Variants in ARHGAP26 observed in about 807,000 individuals in gnomAD.
ARHGAP26 encodes the protein Rho GTPase activating protein 26, also known as rho GTPase-activating protein 26.
In ARHGAP26, 38 loss-of-function variants were observed where a neutral mutation model predicts 104.8. The ratio of observed to expected loss-of-function variants is 0.36; its 90% CI spans 0.28 to 0.48. ARHGAP26 has a LOEUF of 0.48. Among genes scored for constraint, ARHGAP26 ranks in the 20% least tolerant of loss-of-function variants. The pLI is 0.99. For synonymous variants in ARHGAP26, 341 were observed against 340.0 expected (o/e 1.00, Z -0.03); for missense variants, 704 against 947.9 (o/e 0.74, Z 3.38).
intron 20 of ARHGAP26, 60 bp downstream of exon 20, chr5:143,147,441 A>G (rs1297184624): frequency 6.4e-7 from 1 of 1,564,384 alleles, no homozygotes; most frequent in African/African-American, 1.4e-5. Flanking sequence ...TCCACCTAGA[A>G]TTTGCTGTCT....
rs1159537071 is a variant in ARHGAP26 at position 142,829,684 on chromosome 5, T to C, written c.155-43716T>C. Among the ~76,000 whole-genome samples, 3 of 152,094 alleles carry C rather than the reference T, an allele frequency of 2.0e-5. No individual in the cohort carries two copies. In the East Asian group the frequency reaches 5.8e-4, roughly 29 times the overall value. On this transcript the variant is annotated intron_variant, in intron 1 of 22. Coordinates refer to ENST00000645722, the MANE Select transcript of ARHGAP26 (RefSeq NM_001135608.3). ...AAATTATATGTGTAATTAGAGAGAG[T>C]AGAAAAGCTAAAGGAAATGAACTTA...
chr5:143,121,156 TAATTGATC>T lies in ARHGAP26; in HGVS notation c.1698+11_1698+18del. Reference sequence around the variant, plus strand: ...TAGAAAACCACGAAAAGGTAATATGTAATTGATCACTTGCAGTGAAGAATGTACCTGGG... The same window carrying T: ...TAGAAAACCACGAAAAGGTAATATGTACTTGCAGTGAAGAATGTACCTGGG... On this transcript the variant is annotated intron_variant, in intron 18 of 22. Transcript: ENST00000645722. 6.2e-7 allele frequency: 1 copy of T among 1,609,464 alleles called. No homozygotes were observed. Among genetic ancestry groups the T allele is most frequent in the South Asian group, 1.1e-5 (1 of 90,558 alleles).
chr5:142,882,180 T>A (rs1757091750), intron 4 of ARHGAP26, among the ~76,000 whole-genome samples: 1 of 152,208 alleles, frequency 6.6e-6, no homozygotes, highest in South Asian at 2.1e-4. Context: ...CTTCTGCCAT[T>A]TGCATGTAGA....
intron 1 of ARHGAP26, among the ~76,000 whole-genome samples, chr5:142,809,173 A>G (rs934396097): frequency 2.6e-5 from 4 of 152,198 alleles, no homozygotes; most frequent in African/African-American, 7.2e-5. Flanking sequence ...GTGCGTTTTC[A>G]GTGTCTTTTT....
chr5:142,981,068 G>A (rs1384291427), intron 11 of ARHGAP26, among the ~76,000 whole-genome samples: 3 of 152,096 alleles, frequency 2.0e-5, no homozygotes, highest in Non-Finnish European at 4.4e-5. Flanking sequence ...TGTTTTCATT[G>A]CAAATGTATC....
At chr5:142,940,881 C>A (rs1016147045) in intron 11 of ARHGAP26, among the ~76,000 whole-genome samples, 12 of 151,794 alleles carry the variant, frequency 7.9e-5, no homozygotes, top group Admixed American at 5.9e-4. Flanking sequence ...TCGAGACCAT[C>A]CTGGCTAACA....
chr5:142,939,553 G>A (rs977544601), intron 11 of ARHGAP26, among the ~76,000 whole-genome samples: 3 of 152,174 alleles, frequency 2.0e-5, no homozygotes, highest in Non-Finnish European at 2.9e-5. Context: ...CAATTGCATT[G>A]CATATGTTCT....
At chr5:143,005,064 G>A (rs1777745323) in intron 11 of ARHGAP26, among the ~76,000 whole-genome samples, 1 of 152,102 alleles carries the variant, frequency 6.6e-6, no homozygotes, top group Admixed American at 6.6e-5. Context: ...TAAAGCACAA[G>A]TAGGCTTTTC....
intron 1 of ARHGAP26, among the ~76,000 whole-genome samples, chr5:142,813,130 A>T (rs1397416797): frequency 6.6e-6 from 1 of 151,754 alleles, no homozygotes; most frequent in Non-Finnish European, 1.5e-5. Context: ...TTTAGTAGAG[A>T]TGGGGTTTCA....
chr5:143,144,304 C>T (rs1231843147), intron 19 of ARHGAP26, among the ~76,000 whole-genome samples: 2 of 152,172 alleles, frequency 1.3e-5, no homozygotes, highest in Non-Finnish European at 2.9e-5. Flanking sequence ...TTCTAGGCTG[C>T]CTGTTCTTGT....
intron 20 of ARHGAP26, among the ~76,000 whole-genome samples, chr5:143,183,073 C>CAAAAAAAAAAAAAAAAAAAA (rs70991799): frequency 1.1e-5 from 1 of 89,962 alleles, no homozygotes. Context: ...TGAAAAGTGG[C>CAAAAAAAAAAAAAAAAAAAA]AAAAAAAAAA....
intron 22 of ARHGAP26, chr5:143,216,052 C>T (rs1380620150): frequency 1.3e-5 from 5 of 392,250 alleles, no homozygotes; most frequent in African/African-American, 8.4e-5. Flanking sequence ...GAAGTTGCAC[C>T]ATTTTACCAT....
intron 11 of ARHGAP26, among the ~76,000 whole-genome samples, chr5:142,998,973 G>A (rs1226386666): frequency 1.3e-5 from 2 of 152,098 alleles, no homozygotes; most frequent in African/African-American, 2.4e-5. Context: ...GATTTGAGAT[G>A]TTACCATCCT....
intron 22 of ARHGAP26, among the ~76,000 whole-genome samples, chr5:143,221,598 C>G (rs796892701): frequency 1.5e-4 from 23 of 152,248 alleles, no homozygotes; most frequent in African/African-American, 4.8e-4. Context: ...ACTGCAGCCT[C>G]GACCTGCTGA....
chr5:142,782,020 A>G (rs1445019407), intron 1 of ARHGAP26, among the ~76,000 whole-genome samples: 1 of 152,110 alleles, frequency 6.6e-6, no homozygotes, highest in Non-Finnish European at 1.5e-5. Flanking sequence ...TGGCCGATTC[A>G]TGGTGTTTTT....
At chr5:142,919,162 G>A (rs409225) in intron 10 of ARHGAP26, 6 of 398,030 alleles carry the variant, frequency 1.5e-5, no homozygotes, top group African/African-American at 2.1e-5. Context: ...TTAAAATGAC[G>A]TCATTAGGGT....
In ARHGAP26 at chr5:143,166,003, T is replaced by A. The variant is rs1015732368; in HGVS notation, c.1988+18622T>A. 3.8e-6 allele frequency: 5 copies of A among 1,310,362 alleles called. No homozygotes were observed. The East Asian group carries it at 2.2e-4, about 59-fold the overall frequency. The allele number at this position is 1,310,362 out of a possible 1,614,324, so 81.2% of individuals were successfully genotyped here. Reference sequence around the variant, plus strand: ...CAGTAAAAGTTACCTGCCGTAATTATGGTCATCGTTGCTCTTTTAACAGGC... The same window carrying A: ...CAGTAAAAGTTACCTGCCGTAATTAAGGTCATCGTTGCTCTTTTAACAGGC... On this transcript the variant is annotated intron_variant, in intron 20 of 22. Coordinates refer to ENST00000645722, the MANE Select transcript of ARHGAP26 (RefSeq NM_001135608.3).
At chr5:143,125,328 C>T (rs1327541965) in intron 18 of ARHGAP26, among the ~76,000 whole-genome samples, 2 of 152,100 alleles carry the variant, frequency 1.3e-5, no homozygotes, top group Non-Finnish European at 2.9e-5. Context: ...TCACTCACAC[C>T]CACACATCCT....
At chr5:143,009,752 A>G (rs964845605) in intron 11 of ARHGAP26, among the ~76,000 whole-genome samples, 10 of 152,252 alleles carry the variant, frequency 6.6e-5, no homozygotes, top group African/African-American at 2.4e-4. Flanking sequence ...GTCAGTAGAA[A>G]CTAGACTATA....
Sources: allele counts gnomAD v4.1 joint callset (sites outside exome capture counted in the v4.1 genomes callset), GRCh38; gene constraint gnomAD v4.1.1; transcripts MANE v1.5; gene names NCBI Gene and HGNC (gene_info 2026-07-23, HGNC 2026-07-21).